The following AMN1 variants were observed in gnomAD, a reference collection of about 807,000 sequenced individuals.
The protein encoded by AMN1 is antagonist of mitotic exit network 1 homolog.
In AMN1, 20 loss-of-function variants were observed where a neutral mutation model predicts 33.0. The ratio of observed to expected loss-of-function variants is 0.61; its 90% CI spans 0.43 to 0.88. The LOEUF (loss-of-function observed/expected upper bound fraction) is 0.88, where lower values mean the gene tolerates loss of function less well. Among genes scored for constraint, AMN1 ranks in the 40% least tolerant of loss-of-function variants. AMN1 has a pLI of 0.00. For missense variants in AMN1, 246 were observed against 307.4 expected (o/e 0.80, Z 1.49); for synonymous variants, 114 against 111.9 (o/e 1.02, Z -0.12).
chr12:31,710,923 T>G (rs2139711699), intron 1 of AMN1, among the ~76,000 whole-genome samples: 1 of 152,288 alleles, frequency 6.6e-6, no homozygotes, highest in African/African-American at 2.4e-5. Context: ...GTTTATTTAT[T>G]TTTTGAGACA....
At chr12:31,722,694 C>T (rs988827570) in intron 1 of AMN1, among the ~76,000 whole-genome samples, 3 of 152,276 alleles carry the variant, frequency 2.0e-5, no homozygotes, top group South Asian at 4.1e-4. Context: ...GACTCCAAGT[C>T]AGCCTGGTTG....
At chr12:31,674,977 G>A (rs1951356632) in intron 6 of AMN1, among the ~76,000 whole-genome samples, 1 of 151,450 alleles carries the variant, frequency 6.6e-6, no homozygotes, top group South Asian at 2.1e-4. Context: ...AGCTGAGATG[G>A]TGCCACTGTA....
At chr12:31,717,732 C>G (rs1480529575) in intron 1 of AMN1, among the ~76,000 whole-genome samples, 2 of 151,582 alleles carry the variant, frequency 1.3e-5, no homozygotes, top group Admixed American at 6.6e-5. Flanking sequence ...ACTTTAAGTT[C>G]TGAGATACAT....
intron 6 of AMN1, among the ~76,000 whole-genome samples, chr12:31,676,729 T>C: frequency 6.6e-6 from 1 of 151,812 alleles, no homozygotes; most frequent in East Asian, 1.9e-4. Flanking sequence ...CTGTCTACAT[T>C]TGTCACTATT....
chr12:31,679,095 G>T (rs1937878415), intron 6 of AMN1, among the ~76,000 whole-genome samples: 2 of 152,046 alleles, frequency 1.3e-5, no homozygotes, highest in Non-Finnish European at 2.9e-5. Context: ...GATCTCTTGA[G>T]CCCAAGAGTT....
At chr12:31,698,104 A>C (rs1938816426) in intron 3 of AMN1, 147 bp from the exon 4 acceptor site, 3 of 712,846 alleles carry the variant, frequency 4.2e-6, no homozygotes. Flanking sequence ...CTGATTTTCC[A>C]GTGATACTGT....
intron 1 of AMN1, among the ~76,000 whole-genome samples, chr12:31,722,198 T>TA (rs761195502): frequency 2.0e-5 from 3 of 151,672 alleles, no homozygotes; most frequent in Non-Finnish European, 4.4e-5. Flanking sequence ...GTTAATGTGT[T>TA]ACAGTTGTTG....
At chr12:31,714,134 C>T (rs1294481950) in intron 1 of AMN1, among the ~76,000 whole-genome samples, 2 of 151,812 alleles carry the variant, frequency 1.3e-5, no homozygotes, top group African/African-American at 4.8e-5. Flanking sequence ...TACTATGAGT[C>T]GGGGGTAAAG....
At chr12:31,676,084 T>G (rs987628481) in intron 6 of AMN1, among the ~76,000 whole-genome samples, 2 of 151,598 alleles carry the variant, frequency 1.3e-5, no homozygotes, top group African/African-American at 4.9e-5. Flanking sequence ...AGAAAATAAC[T>G]CCATTTATGT....
Position 31,699,427 on chromosome 12 carries a change from A to G in AMN1, c.317-1470T>C, listed in dbSNP as rs1457756796. ...AAAAAAAAAAAAAAAAAAAAGAAAG[A>G]AAAGAAAAGAAAAAGGAAGAAGAAA... On this transcript the variant is annotated intron_variant, in intron 3 of 6. Coordinates refer to ENST00000281471, the MANE Select transcript of AMN1 (RefSeq NM_001113402.2). 2.7e-5 allele frequency among the ~76,000 whole-genome samples: 4 copies of G among 148,162 alleles called. No homozygotes were observed. The East Asian group carries it at 7.9e-4, about 29-fold the overall frequency.
chr12:31,680,339 T>C (rs1937948754), intron 6 of AMN1, among the ~76,000 whole-genome samples: 2 of 151,722 alleles, frequency 1.3e-5, no homozygotes, highest in Admixed American at 6.6e-5. Flanking sequence ...TACCTGGGAT[T>C]ATAGGCACCC....
At position 31,685,836 on chromosome 12, in the gene AMN1, C is replaced by T. The variant is rs571110059; in HGVS notation, c.703+3171G>A. ...GAAAGAAAGAAAGAAAAAAGGAATG[C>T]TCAACCGCATTTGTTATTATTTTTT... On this transcript the variant is annotated intron_variant, in intron 6 of 6. Transcript: ENST00000281471. 9.5e-5 allele frequency among the ~76,000 whole-genome samples: 14 copies of T among 147,518 alleles called. No individual in the cohort carries two copies. The East Asian group carries it at 2.8e-3, about 29-fold the overall frequency.
chr12:31,695,108 TATA>T (rs1938664139), intron 5 of AMN1, among the ~76,000 whole-genome samples: 2 of 152,230 alleles, frequency 1.3e-5, no homozygotes. Context: ...GATATGGCAC[TATA>T]ATCACCAACA....
chr12:31,710,882 T>C (rs1180780794), intron 1 of AMN1, among the ~76,000 whole-genome samples: 2 of 152,208 alleles, frequency 1.3e-5, no homozygotes, highest in African/African-American at 4.8e-5. Context: ...CCTTTCCCTC[T>C]ACATCCTTCC....
chr12:31,716,187 TTCCATTTTCACGTTGTTCATG>T (rs1273606161), intron 1 of AMN1, among the ~76,000 whole-genome samples: 6 of 152,272 alleles, frequency 3.9e-5, no homozygotes, highest in African/African-American at 1.4e-4. Context: ...GATTATTCAT[TTCCATTTTCACGTTGTTCATG>T]TCCATTTTCA....
At chr12:31,684,146 C>A (rs1938149817) in intron 6 of AMN1, among the ~76,000 whole-genome samples, 1 of 152,122 alleles carries the variant, frequency 6.6e-6, no homozygotes, top group Admixed American at 6.6e-5. Context: ...TAAAGATCAA[C>A]TCAAAATTCA....
intron 5 of AMN1, among the ~76,000 whole-genome samples, chr12:31,695,446 A>G (rs2139683069): frequency 6.6e-6 from 1 of 150,462 alleles, no homozygotes; most frequent in South Asian, 2.1e-4. Flanking sequence ...GGAATTCAAA[A>G]CTTGGTATAA....
At chr12:31,696,744 C>T (rs10771864) in intron 5 of AMN1, among the ~76,000 whole-genome samples, 95,849 of 151,414 alleles carry the variant, frequency 0.63, 30,830 homozygotes, top group East Asian at 0.87. Flanking sequence ...CTGGCCAACA[C>T]GGTGAAACCC....
intron 5 of AMN1, among the ~76,000 whole-genome samples, chr12:31,694,428 G>A (rs1938633470): frequency 1.5e-5 from 2 of 136,820 alleles, no homozygotes; most frequent in Non-Finnish European, 3.1e-5. Flanking sequence ...GGCCACAAGA[G>A]CGAAACTCTG....
Sources: gnomAD v4.1 joint callset for allele counts (sites outside exome capture counted in the v4.1 genomes callset) on GRCh38, gnomAD v4.1.1 for gene constraint, MANE v1.5 for transcripts, NCBI Gene and HGNC (gene_info 2026-07-23, HGNC 2026-07-21) for gene names.